The following SPON1 variants were observed in gnomAD, a reference collection of about 807,000 sequenced individuals.
SPON1 encodes the protein spondin-1.
A neutral mutation model predicts 111.7 loss-of-function variants in SPON1; 52 were observed. The ratio of observed to expected loss-of-function variants is 0.47; its 90% CI spans 0.37 to 0.59. SPON1 has a LOEUF of 0.59. Ranked by LOEUF, SPON1 falls within the 20% of genes least tolerant of loss-of-function variation. The pLI, the probability that SPON1 is intolerant of heterozygous loss-of-function variation, is 0.00. For missense variants in SPON1, 957 were observed against 1,068.5 expected (o/e 0.90, Z 1.46); for synonymous variants, 410 against 395.8 (o/e 1.04, Z -0.43).
At chr11:14,137,234 A>G (rs1847603066) in intron 6 of SPON1, among the ~76,000 whole-genome samples, 1 of 152,156 alleles carries the variant, frequency 6.6e-6, no homozygotes, top group African/African-American at 2.4e-5. Context: ...AAAAGATTGA[A>G]AACTCATGGA....
chr11:14,057,624 C>A (rs1204064214), intron 3 of SPON1, among the ~76,000 whole-genome samples: 4 of 152,060 alleles, frequency 2.6e-5, no homozygotes, highest in Non-Finnish European at 5.9e-5. Flanking sequence ...ACCACTTACT[C>A]TCAAATGCTT....
At chr11:13,977,943 C>T (rs1848115068) in intron 1 of SPON1, among the ~76,000 whole-genome samples, 2 of 152,138 alleles carry the variant, frequency 1.3e-5, no homozygotes, top group Non-Finnish European at 2.9e-5. Flanking sequence ...TTCTCCATTG[C>T]TCTGATGTAT....
At chr11:14,201,891 T>G (rs1311464816) in intron 6 of SPON1, among the ~76,000 whole-genome samples, 1 of 152,186 alleles carries the variant, frequency 6.6e-6, no homozygotes, top group Non-Finnish European at 1.5e-5. Context: ...AGTGGGAACT[T>G]AGATAAGGAG....
At chr11:14,196,786 A>G (rs1391016689) in intron 6 of SPON1, among the ~76,000 whole-genome samples, 2 of 152,244 alleles carry the variant, frequency 1.3e-5, no homozygotes, top group Non-Finnish European at 2.9e-5. Context: ...ATGGCAGCTC[A>G]TGCCTGTAAT....
intron 11 of SPON1, among the ~76,000 whole-genome samples, chr11:14,258,169 C>T (rs541467629): frequency 1.3e-5 from 2 of 152,242 alleles, no homozygotes; most frequent in Non-Finnish European, 2.9e-5. Flanking sequence ...TGACAAGTTA[C>T]AGATAACACA....
chr11:14,128,111 CA>C (rs1436055234), intron 5 of SPON1, among the ~76,000 whole-genome samples: 1 of 152,144 alleles, frequency 6.6e-6, no homozygotes, highest in Non-Finnish European at 1.5e-5. Flanking sequence ...TGGACCCTCC[CA>C]AATCTCATGT....
intron 5 of SPON1, among the ~76,000 whole-genome samples, chr11:14,119,400 A>G (rs1849288414): frequency 6.6e-6 from 1 of 152,024 alleles, no homozygotes; most frequent in South Asian, 2.1e-4. Flanking sequence ...ACTTTCCAGA[A>G]TTTTCTACTA....
rs1554940959 is a variant in SPON1 at position 14,254,533 on chromosome 11, C to T, written c.896C>T (p.Ala299Val). The T allele has an allele frequency of 6.3e-7, 1 of 1,599,200 alleles. No individual in the cohort carries two copies. Among genetic ancestry groups the T allele is most frequent in the African/African-American group, 1.3e-5 (1 of 74,794 alleles). Residue 299 changes from alanine (A) to valine (V), a missense_variant, in exon 8 of 16, where the codon GCA becomes GTA. Physicochemically the swap from Ala to Val is moderately conservative, Grantham distance 64. Coordinates refer to ENST00000576479, the MANE Select transcript of SPON1 (RefSeq NM_006108.4). ...TCTCTGTATTTCGTTTCCAGGAGAG[C>T]AGCACCTTCAGCTGAATTTTCCGTG... ...WPAWQPLNVRAAPSAEFSVDR... is the reference protein window; with the variant it reads ...WPAWQPLNVRVAPSAEFSVDR...
At chr11:14,177,743 A>G (rs1046149250) in intron 6 of SPON1, among the ~76,000 whole-genome samples, 1 of 152,162 alleles carries the variant, frequency 6.6e-6, no homozygotes, top group East Asian at 1.9e-4. Flanking sequence ...AAGGGCTGTT[A>G]TCGTCTTTGT....
At chr11:14,050,618 A>G (rs1282265492) in intron 3 of SPON1, among the ~76,000 whole-genome samples, 1 of 152,052 alleles carries the variant, frequency 6.6e-6, no homozygotes, top group Non-Finnish European at 1.5e-5. Context: ...ACCTAAGTTT[A>G]TAAGCAGGTA....
At chr11:14,264,290 AC>A (rs1199808563) in intron 15 of SPON1, among the ~76,000 whole-genome samples, 2 of 152,148 alleles carry the variant, frequency 1.3e-5, no homozygotes, top group Non-Finnish European at 2.9e-5. Flanking sequence ...ACTGTATCAG[AC>A]CTGTGTTGAC....
chr11:14,136,445 G>C (rs1554928098), intron 6 of SPON1, among the ~76,000 whole-genome samples: 1 of 152,204 alleles, frequency 6.6e-6, no homozygotes, highest in Admixed American at 6.5e-5. Flanking sequence ...CTGTGCTCCT[G>C]TCCCACATCT....
chr11:14,038,929 A>G (rs1848613428), intron 2 of SPON1, among the ~76,000 whole-genome samples: 1 of 152,230 alleles, frequency 6.6e-6, no homozygotes. Flanking sequence ...CATAATTGCC[A>G]AAACTCAGAA....
intron 6 of SPON1, among the ~76,000 whole-genome samples, chr11:14,166,926 A>C (rs1236722975): frequency 1.4e-4 from 21 of 152,110 alleles, no homozygotes; most frequent in African/African-American, 5.1e-4. Flanking sequence ...TTTAAAGAGG[A>C]CCGAAACAAG....
At chr11:14,001,980 G>A (rs1848322555) in intron 2 of SPON1, among the ~76,000 whole-genome samples, 1 of 152,112 alleles carries the variant, frequency 6.6e-6, no homozygotes, top group South Asian at 2.1e-4. Flanking sequence ...ATCAGAGGAG[G>A]GAAGAAGAGT....
At chr11:13,982,362 G>A (rs1848151216) in intron 1 of SPON1, among the ~76,000 whole-genome samples, 2 of 152,182 alleles carry the variant, frequency 1.3e-5, no homozygotes, top group Non-Finnish European at 2.9e-5. Flanking sequence ...TGACTTAACT[G>A]CAAAGGAGGC....
chr11:14,039,631 T>C (rs1848618646), intron 2 of SPON1, among the ~76,000 whole-genome samples: 1 of 152,134 alleles, frequency 6.6e-6, no homozygotes, highest in Non-Finnish European at 1.5e-5. Flanking sequence ...GGGAAAATTA[T>C]AAAGCTAATG....
At chr11:14,192,475 A>G (rs1848356629) in intron 6 of SPON1, among the ~76,000 whole-genome samples, 2 of 150,044 alleles carry the variant, frequency 1.3e-5, no homozygotes, top group South Asian at 4.3e-4. Context: ...CTCTAAATAT[A>G]GAAAGAGAAG....
intron 5 of SPON1, among the ~76,000 whole-genome samples, chr11:14,106,988 CCA>C (rs1210202690): frequency 6.6e-6 from 1 of 152,172 alleles, no homozygotes; most frequent in Non-Finnish European, 1.5e-5. Flanking sequence ...TTTTTCACAA[CCA>C]CCAGCAAGAG....
Sources: allele counts gnomAD v4.1 joint callset (sites outside exome capture counted in the v4.1 genomes callset), GRCh38; gene constraint gnomAD v4.1.1; transcripts MANE v1.5; gene names NCBI Gene and HGNC (gene_info 2026-07-23, HGNC 2026-07-21).